RPL10L: variants seen among roughly 807,000 people sequenced by gnomAD.
RPL10L encodes ribosomal protein L10 like.
A neutral mutation model predicts 10.2 loss-of-function variants in RPL10L; 11 were observed. The ratio of observed to expected loss-of-function variants is 1.08; its 90% CI spans 0.68 to 1.79. The LOEUF (loss-of-function observed/expected upper bound fraction) is 1.79. RPL10L is among the 40% of genes most tolerant of loss of function. The pLI is 0.00. For synonymous variants in RPL10L, 120 were observed against 101.7 expected (o/e 1.18, Z -1.08); for missense variants, 320 against 289.8 (o/e 1.10, Z -0.76).
In RPL10L at chr14:46,651,077, G is replaced by A. The variant is rs1024205111; in HGVS notation, c.*15C>T. 8 of 1,609,060 alleles carry A rather than the reference G, an allele frequency of 5.0e-6. No individual in the cohort carries two copies. The highest frequency in any genetic ancestry group is 5.1e-6 in the Non-Finnish European group (6 of 1,177,158). On this transcript the variant is annotated 3_prime_UTR_variant, in exon 1 of 1. Transcript: ENST00000298283. ...CAGACCAGCATGGCCCAAGGAGACA[G>A]TACTGCCAAAACCTTCATGAGTGCA...
At position 46,651,287 on chromosome 14, in the gene RPL10L, T is replaced by G. The variant is rs1376796256; in HGVS notation, c.450A>C (p.Glu150Asp). The change falls in exon 1 of 1, where the codon GAA becomes GAC. Residue 150 changes from glutamate to aspartate, a missense_variant. Transcript: ENST00000298283. ...TKLQNEEHVI[E>D]ALRRAKFKFP... ...ACTTGAACTTGGCCCTGCGCAAGGCTTCAATCACATGCTCCTCGTTCTGAA... is the reference window on the plus strand; with the variant it reads ...ACTTGAACTTGGCCCTGCGCAAGGCGTCAATCACATGCTCCTCGTTCTGAA... 6.2e-7 allele frequency: 1 copy of G among 1,614,172 alleles called. No individual in the cohort carries two copies. Among genetic ancestry groups the G allele is most frequent in the Admixed American group, 1.7e-5 (1 of 60,026 alleles).
chr14:46,651,313 G>C lies in RPL10L; in HGVS notation c.424C>G (p.Leu142Val). ...TCAATCACATGCTCCTCGTTCTGAAGCTTGGTGCGGATGGACATGATGACT... is the reference window on the plus strand; with the variant it reads ...TCAATCACATGCTCCTCGTTCTGAACCTTGGTGCGGATGGACATGATGACT... ...GQVIMSIRTK[L>V]QNEEHVIEAL... Residue 142 changes from leucine (L) to valine (V), a missense_variant, in exon 1 of 1, where the codon CTT becomes GTT. Coordinates refer to ENST00000298283, the MANE Select transcript of RPL10L (RefSeq NM_080746.3). The C allele has an allele frequency of 6.2e-7, 1 of 1,614,162 alleles. No homozygotes were observed. Among genetic ancestry groups the C allele is most frequent in the South Asian group, 1.1e-5 (1 of 91,080 alleles).
In RPL10L at chr14:46,651,557, C is replaced by T. The variant is rs370629655; in HGVS notation, c.180G>A (p.Leu60=). ...GHMVSDEYEQ[L]SSEALEAARI... ...GGGCGGCCTCCAGGGCTTCAGAAGA[C>T]AGCTGCTCATATTCATCAGACACCA... Residue 60 remains leucine, a synonymous_variant, in exon 1 of 1, where the codon CTG becomes CTA. Coordinates refer to ENST00000298283, the MANE Select transcript of RPL10L (RefSeq NM_080746.3). 29 of 1,614,084 alleles carry T rather than the reference C, an allele frequency of 1.8e-5. No homozygotes were observed. The African/African-American group carries it at 3.5e-4, about 19-fold the overall frequency.
In RPL10L at chr14:46,651,182, C is replaced by T; in HGVS notation, c.555G>A (p.Val185=). The T allele has an allele frequency of 1.2e-6, 2 of 1,614,128 alleles. No individual in the cohort carries two copies. Among genetic ancestry groups the T allele is most frequent in the Non-Finnish European group, 1.7e-6 (2 of 1,180,034 alleles). ...KFNADEFEDM[V]AKKCLIPDGC... Reference sequence around the variant, plus strand: ...CATCAGGGATGAGGCACTTCTTGGCCACCATGTCTTCAAATTCGTCAGCAT... The same window carrying T: ...CATCAGGGATGAGGCACTTCTTGGCTACCATGTCTTCAAATTCGTCAGCAT... The change falls in exon 1 of 1, where the codon GTG becomes GTA. Residue 185 remains valine (V), a synonymous_variant. Transcript: ENST00000298283.
rs201320909 is a variant in RPL10L at position 46,651,132 on chromosome 14, C to A, written c.605G>T (p.Ser202Ile). 6.2e-7 allele frequency: 1 copy of A among 1,614,162 alleles called. No individual in the cohort carries two copies. Among genetic ancestry groups the A allele is most frequent in the African/African-American group, 1.3e-5 (1 of 75,038 alleles). The change falls in exon 1 of 1, where the codon AGT becomes ATT. Residue 202 changes from serine (S) to isoleucine (I), a missense_variant. Transcript: ENST00000298283. ...PDGCGVKYVPSHGPLDKWRVL... is the reference protein window; with the variant it reads ...PDGCGVKYVPIHGPLDKWRVL... ...CCGCCACTTGTCCAAGGGGCCATGA[C>A]TGGGAACGTACTTGACTCCACAACC...
At position 46,651,201 on chromosome 14, in the gene RPL10L, T is replaced by A; in HGVS notation, c.536A>T (p.Asp179Val). The A allele has an allele frequency of 6.2e-7, 1 of 1,614,170 alleles. No individual in the cohort carries two copies. The highest frequency in any genetic ancestry group is 8.5e-7 in the Non-Finnish European group (1 of 1,180,032). ...CTTGGCCACCATGTCTTCAAATTCG[T>A]CAGCATTAAACTTCGTGAAGCCCCA... ...KKWGFTKFNADEFEDMVAKKC... is the reference protein window; with the variant it reads ...KKWGFTKFNAVEFEDMVAKKC... Residue 179 changes from aspartate (D) to valine (V), a missense_variant, in exon 1 of 1, where the codon GAC (aspartate) becomes GTC (valine). Transcript: ENST00000298283.
In RPL10L at chr14:46,651,305, G is replaced by A. The variant is rs1464110614; in HGVS notation, c.432C>T (p.Asn144=). 3.1e-6 allele frequency: 5 copies of A among 1,614,020 alleles called. No homozygotes were observed. Among genetic ancestry groups the A allele is most frequent in the South Asian group, 1.1e-5 (1 of 91,084 alleles). Residue 144 remains asparagine (N), a synonymous_variant, in exon 1 of 1, where the codon AAC becomes AAT. Coordinates refer to ENST00000298283, the MANE Select transcript of RPL10L (RefSeq NM_080746.3). ...VIMSIRTKLQ[N]EEHVIEALRR... is the part of the protein sequence containing the mutation. ...GCAAGGCTTCAATCACATGCTCCTC[G>A]TTCTGAAGCTTGGTGCGGATGGACA...
At position 46,651,367 on chromosome 14, in the gene RPL10L, C is replaced by T. The variant is rs1383509808; in HGVS notation, c.370G>A (p.Gly124Ser). ...GMRGAFGKPQGTVARVHIGQV... is the reference protein window; with the variant it reads ...GMRGAFGKPQSTVARVHIGQV... The stretch of plus-strand genomic sequence containing the variant: ...CCAATGTGGACCCGGGCTACAGTAC[C>T]CTGGGGTTTTCCAAAGGCACCTCGC... Residue 124 changes from glycine to serine, a missense_variant, in exon 1 of 1, where the codon GGT becomes AGT. Transcript: ENST00000298283. 5 of 1,614,038 alleles carry T rather than the reference C, an allele frequency of 3.1e-6. No homozygotes were observed. Among genetic ancestry groups the T allele is most frequent in the Non-Finnish European group, 4.2e-6 (5 of 1,180,016 alleles).
chr14:46,651,511 T>G lies in RPL10L; in HGVS notation c.226A>C (p.Met76Leu). ...CCATCTCTGCCACAACTTTTCACCA[T>G]GTATTTGTTGGCACAAATACGGGCG... ...EAARICANKYMVKSCGRDGFH... is the reference protein window; with the variant it reads ...EAARICANKYLVKSCGRDGFH... Residue 76 changes from methionine (M) to leucine (L), a missense_variant, in exon 1 of 1, where the codon ATG (methionine) becomes CTG (leucine). By Grantham distance (15) the Met-to-Leu change is conservative. Coordinates refer to ENST00000298283, the MANE Select transcript of RPL10L (RefSeq NM_080746.3). The G allele has an allele frequency of 6.2e-7, 1 of 1,614,210 alleles. No individual in the cohort carries two copies. Among genetic ancestry groups the G allele is most frequent in the Non-Finnish European group, 8.5e-7 (1 of 1,180,032 alleles).
Position 46,651,730 on chromosome 14 carries a change from G to C in RPL10L, c.7C>G (p.Arg3Gly). The C allele has an allele frequency of 6.2e-7, 1 of 1,614,166 alleles. No individual in the cohort carries two copies. The highest frequency in any genetic ancestry group is 8.5e-7 in the Non-Finnish European group (1 of 1,180,014). The change falls in exon 1 of 1, where the codon CGC becomes GGC. Residue 3 changes from arginine to glycine, a missense_variant. Transcript: ENST00000298283. MG[R>G]RPARCYRYCK... ...TACCGGTAACAGCGAGCTGGACGGC[G>C]CCCCATGGCGACACAGTAACGTCGG... is the stretch of plus-strand genomic sequence containing the variant.
chr14:46,651,244 T>C lies in RPL10L; in HGVS notation c.493A>G (p.Ile165Val), dbSNP rs1431566595. Residue 165 changes from isoleucine (I) to valine (V), a missense_variant, in exon 1 of 1, where the codon ATT becomes GTT. Physicochemically the swap from Ile to Val is conservative, Grantham distance 29. Transcript: ENST00000298283. ...AAGCCCCACTTCTTGGAGATATGAA[T>C]CTTCTGGCGTCCAGGGAACTTGAAC... ...AKFKFPGRQKIHISKKWGFTK... is the reference protein window; with the variant it reads ...AKFKFPGRQKVHISKKWGFTK... 5 of 1,614,044 alleles carry C rather than the reference T, an allele frequency of 3.1e-6. No individual in the cohort carries two copies. Among genetic ancestry groups the C allele is most frequent in the Non-Finnish European group, 4.2e-6 (5 of 1,180,030 alleles).
chr14:46,651,343 C>T lies in RPL10L; in HGVS notation c.394G>A (p.Gly132Ser), dbSNP rs1045269173. ...GTGCGGATGGACATGATGACTTGAC[C>T]AATGTGGACCCGGGCTACAGTACCC... The part of the protein sequence containing the change: ...PQGTVARVHI[G>S]QVIMSIRTKL... The change falls in exon 1 of 1, where the codon GGT becomes AGT. Residue 132 changes from glycine to serine, a missense_variant. Gly to Ser is a moderately conservative substitution (Grantham distance 56, BLOSUM62 0). Coordinates refer to ENST00000298283, the MANE Select transcript of RPL10L (RefSeq NM_080746.3). 9.3e-6 allele frequency: 15 copies of T among 1,613,942 alleles called. No individual in the cohort carries two copies. The African/African-American group carries it at 1.9e-4, about 20-fold the overall frequency.
Position 46,651,558 on chromosome 14 carries a change from A to G in RPL10L, c.179T>C (p.Leu60Pro). Reference protein sequence around the residue: ...GHMVSDEYEQLSSEALEAARI... With the variant: ...GHMVSDEYEQPSSEALEAARI... ...GGCGGCCTCCAGGGCTTCAGAAGAC[A>G]GCTGCTCATATTCATCAGACACCAT... Residue 60 changes from leucine to proline, a missense_variant, in exon 1 of 1, where the codon CTG becomes CCG. Coordinates refer to ENST00000298283, the MANE Select transcript of RPL10L (RefSeq NM_080746.3). 6.2e-7 allele frequency: 1 copy of G among 1,614,192 alleles called. No homozygotes were observed. Among genetic ancestry groups the G allele is most frequent in the Non-Finnish European group, 8.5e-7 (1 of 1,180,040 alleles).
Position 46,651,137 on chromosome 14 carries a change from A to G in RPL10L, c.600T>C (p.Val200=). 2 of 1,614,196 alleles carry G rather than the reference A, an allele frequency of 1.2e-6. No homozygotes were observed. The highest frequency in any genetic ancestry group is 8.5e-7 in the Non-Finnish European group (1 of 1,180,032). The change falls in exon 1 of 1, where the codon GTT becomes GTC. Residue 200 remains valine, a synonymous_variant. Transcript: ENST00000298283. ...LIPDGCGVKY[V]PSHGPLDKWR... is the part of the protein sequence containing the mutation. ...ACTTGTCCAAGGGGCCATGACTGGG[A>G]ACGTACTTGACTCCACAACCATCAG...
In RPL10L at chr14:46,651,727, G is replaced by C. The variant is rs745608036; in HGVS notation, c.10C>G (p.Arg4Gly). The C allele has an allele frequency of 2.5e-6, 4 of 1,614,220 alleles. No individual in the cohort carries two copies. The highest frequency in any genetic ancestry group is 1.3e-5 in the African/African-American group (1 of 75,056). The change falls in exon 1 of 1, where the codon CGT becomes GGT. Residue 4 changes from arginine (R) to glycine (G), a missense_variant. Arg to Gly is a moderately radical substitution (Grantham distance 125). Coordinates refer to ENST00000298283, the MANE Select transcript of RPL10L (RefSeq NM_080746.3). Reference protein sequence around the residue: MGRRPARCYRYCKN... With the variant: MGRGPARCYRYCKN... ...CAATACCGGTAACAGCGAGCTGGACGGCGCCCCATGGCGACACAGTAACGT... is the reference window on the plus strand; with the variant it reads ...CAATACCGGTAACAGCGAGCTGGACCGCGCCCCATGGCGACACAGTAACGT...
Position 46,651,444 on chromosome 14 carries a change from C to A in RPL10L, c.293G>T (p.Arg98Leu), listed in dbSNP as rs1303053099. The A allele has an allele frequency of 6.2e-7, 1 of 1,614,144 alleles. No homozygotes were observed. Among genetic ancestry groups the A allele is most frequent in the Non-Finnish European group, 8.5e-7 (1 of 1,180,032 alleles). The change falls in exon 1 of 1, where the codon CGC becomes CTC. Residue 98 changes from arginine to leucine, a missense_variant. Physicochemically the swap from Arg to Leu is moderately radical, Grantham distance 102 (BLOSUM62 -2). Coordinates refer to ENST00000298283, the MANE Select transcript of RPL10L (RefSeq NM_080746.3). ...AGCACAGGACAACATCTTGTTGATG[C>A]GGATGACATGGAAGGGATGGAGCCG... is the stretch of plus-strand genomic sequence containing the variant. ...RVRLHPFHVIRINKMLSCAGA... is the reference protein window; with the variant it reads ...RVRLHPFHVILINKMLSCAGA...
rs1178830703 is a variant in RPL10L, at chr14:46,651,774, A to C, written c.-38T>G. The C allele has an allele frequency of 6.2e-7, 1 of 1,613,066 alleles. No individual in the cohort carries two copies. Among genetic ancestry groups the C allele is most frequent in the East Asian group, 2.2e-5 (1 of 44,858 alleles). On this transcript the variant is annotated 5_prime_UTR_variant, in exon 1 of 1. Coordinates refer to ENST00000298283, the MANE Select transcript of RPL10L (RefSeq NM_080746.3). ...ACGTCGGCGGTGCCTCGAAGTCAAAATGCGCTCTCTTAACTACGCCTGCGC... is the reference window on the plus strand; with the variant it reads ...ACGTCGGCGGTGCCTCGAAGTCAAACTGCGCTCTCTTAACTACGCCTGCGC...
chr14:46,651,280 G>C lies in RPL10L; in HGVS notation c.457C>G (p.Arg153Gly), dbSNP rs199562673. ...QNEEHVIEALRRAKFKFPGRQ... is the reference protein window; with the variant it reads ...QNEEHVIEALGRAKFKFPGRQ... ...CCAGGGAACTTGAACTTGGCCCTGC[G>C]CAAGGCTTCAATCACATGCTCCTCG... The change falls in exon 1 of 1, where the codon CGC becomes GGC. Residue 153 changes from arginine to glycine, a missense_variant. Physicochemically the swap from Arg to Gly is moderately radical, Grantham distance 125. Transcript: ENST00000298283. 6.2e-7 allele frequency: 1 copy of C among 1,614,120 alleles called. No homozygotes were observed. The highest frequency in any genetic ancestry group is 8.5e-7 in the Non-Finnish European group (1 of 1,180,022).
rs764537925 is a variant in RPL10L at position 46,651,358 on chromosome 14, C to A, written c.379G>T (p.Ala127Ser). The A allele has an allele frequency of 4.3e-6, 7 of 1,614,004 alleles. No individual in the cohort carries two copies. Among genetic ancestry groups the A allele is most frequent in the South Asian group, 2.2e-5 (2 of 91,088 alleles). The part of the protein sequence containing the change: ...GAFGKPQGTV[A>S]RVHIGQVIMS... ...ATGACTTGACCAATGTGGACCCGGG[C>A]TACAGTACCCTGGGGTTTTCCAAAG... The change falls in exon 1 of 1, where the codon GCC (alanine) becomes TCC (serine). Residue 127 changes from alanine to serine, a missense_variant. Transcript: ENST00000298283.
Sources: allele counts gnomAD v4.1 joint callset, GRCh38; gene constraint gnomAD v4.1.1; transcripts MANE v1.5; gene names NCBI Gene and HGNC (gene_info 2026-07-23, HGNC 2026-07-21).